Variants in EYS observed in about 807,000 individuals in gnomAD.
EYS encodes the protein EGF-like photoreceptor maintenance factor, also known as protein eyes shut homolog.
A neutral mutation model predicts 282.1 loss-of-function variants in EYS; 250 were observed. That is an observed-to-expected ratio of 0.89 (90% CI 0.80 to 0.98). The LOEUF is 0.98. Ranked by LOEUF, EYS falls within the 50% of genes least tolerant of loss-of-function variation. EYS has a pLI of 0.00. For synonymous variants in EYS, 1,355 were observed against 1,282.9 expected (o/e 1.06, Z -1.20); for missense variants, 4,016 against 3,709.0 (o/e 1.08, Z -2.15).
At chr6:64,562,268 T>C (rs1029444064) in intron 26 of EYS, among the ~76,000 whole-genome samples, 5 of 151,902 alleles carry the variant, frequency 3.3e-5, no homozygotes, top group Non-Finnish European at 7.4e-5. Context: ...AAATATATTA[T>C]TAGTCAAATC....
chr6:64,570,260 C>G (rs1208730635), intron 26 of EYS, among the ~76,000 whole-genome samples: 22 of 152,100 alleles, frequency 1.4e-4, no homozygotes, highest in Admixed American at 1.3e-3. Context: ...TTTGTCACCC[C>G]CAGGCCTGCC....
In EYS at chr6:64,441,029, C is replaced by T. The variant is rs147156843; in HGVS notation, c.5645-1677G>A. Among the ~76,000 whole-genome samples the T allele has an allele frequency of 2.3e-3, 349 of 152,160 alleles. 1 individual carries two copies. Among genetic ancestry groups the T allele is most frequent in the African/African-American group, 7.8e-3 (324 of 41,512 alleles). On this transcript the variant is annotated intron_variant, in intron 26 of 42. Transcript: ENST00000503581. The stretch of plus-strand genomic sequence containing the variant: ...AGAACAAATATCAAATTTACGATGA[C>T]GCTTGGGTGAAAGAATGGTAAAATC...
intron 2 of EYS, among the ~76,000 whole-genome samples, chr6:65,606,652 C>T (rs1302361682): frequency 6.6e-6 from 1 of 151,752 alleles, no homozygotes; most frequent in African/African-American, 2.4e-5. Context: ...ACAAATACAA[C>T]TGGCTTTACA....
At chr6:64,766,278 C>T (rs1235370918) in intron 22 of EYS, among the ~76,000 whole-genome samples, 2 of 151,690 alleles carry the variant, frequency 1.3e-5, no homozygotes, top group South Asian at 2.1e-4. Flanking sequence ...CCTCTCCTTT[C>T]CTTTTTTCTT....
intron 1 of EYS, among the ~76,000 whole-genome samples, chr6:65,688,640 T>C (rs2149842914): frequency 6.6e-6 from 1 of 152,174 alleles, no homozygotes; most frequent in South Asian, 2.1e-4. Context: ...AAAGGGATAA[T>C]ATCCAGAATC....
chr6:63,954,431 A>T (rs1765725722), intron 35 of EYS, among the ~76,000 whole-genome samples: 1 of 152,158 alleles, frequency 6.6e-6, no homozygotes, highest in Admixed American at 6.5e-5. Flanking sequence ...GACTCTTAAC[A>T]TGCCTTCCAT....
At chr6:63,918,164 ATTACCGCATAACAT>A (rs1470677160) in intron 35 of EYS, among the ~76,000 whole-genome samples, 1 of 152,216 alleles carries the variant, frequency 6.6e-6, no homozygotes, top group African/African-American at 2.4e-5. Context: ...CCTGATGGGA[ATTACCGCATAACAT>A]TTATAGTAGG....
intron 12 of EYS, among the ~76,000 whole-genome samples, chr6:65,256,511 T>C (rs1767470922): frequency 8.2e-6 from 1 of 121,894 alleles, no homozygotes. Context: ...TGAGTGAGAA[T>C]ATGCGGTGTT....
intron 2 of EYS, among the ~76,000 whole-genome samples, chr6:65,498,676 A>C (rs984397089): frequency 5.9e-5 from 9 of 152,144 alleles, no homozygotes; most frequent in African/African-American, 2.2e-4. Flanking sequence ...AAACACTAAC[A>C]CAAAAACATC....
intron 36 of EYS, among the ~76,000 whole-genome samples, chr6:63,840,355 C>A (rs1002850134): frequency 6.6e-6 from 1 of 151,840 alleles, no homozygotes; most frequent in African/African-American, 2.4e-5. Context: ...TGAGCCACCA[C>A]GCCCAGCCCC....
chr6:64,136,747 G>T (rs1222705234), intron 31 of EYS, among the ~76,000 whole-genome samples: 3 of 152,040 alleles, frequency 2.0e-5, no homozygotes, highest in African/African-American at 7.2e-5. Context: ...AAAGCATGTT[G>T]TAAACAGATG....
chr6:64,286,182 A>C (rs1768493803), intron 30 of EYS, among the ~76,000 whole-genome samples: 1 of 152,182 alleles, frequency 6.6e-6, no homozygotes, highest in Non-Finnish European at 1.5e-5. Context: ...TACCTCTACA[A>C]CTACCCTAAA....
At chr6:64,468,525 CA>C (rs1775996432) in intron 26 of EYS, among the ~76,000 whole-genome samples, 1 of 152,094 alleles carries the variant, frequency 6.6e-6, no homozygotes, top group Admixed American at 6.6e-5. Context: ...ATTTTATGTT[CA>C]GGGGTACGTG....
intron 41 of EYS, among the ~76,000 whole-genome samples, chr6:63,749,272 T>C (rs1201198187): frequency 6.6e-6 from 1 of 152,196 alleles, no homozygotes. Context: ...GGATATTCAA[T>C]TTCCATGTAA....
chr6:64,066,193 G>A lies in EYS; in HGVS notation c.6725+145C>T, dbSNP rs926311295. On this transcript the variant is annotated intron_variant, in intron 33 of 42. Coordinates refer to ENST00000503581, the MANE Select transcript of EYS (RefSeq NM_001142800.2). ...TTGGGGAGGTTGAGGCAGGAGAATC[G>A]CTTGAACCCGGGAGGCGGAGGTTGT... is the stretch of plus-strand genomic sequence containing the variant. 6 of 620,410 alleles carry A rather than the reference G, an allele frequency of 9.7e-6. No individual in the cohort carries two copies. The highest frequency in any genetic ancestry group is 3.9e-5 in the African/African-American group (2 of 51,948). The allele number at this position is 620,410 out of a possible 1,614,324, so 38.4% of individuals were successfully genotyped here.
At chr6:64,951,761 G>T (rs1267485072) in intron 14 of EYS, among the ~76,000 whole-genome samples, 1 of 151,502 alleles carries the variant, frequency 6.6e-6, no homozygotes, top group Non-Finnish European at 1.5e-5. Context: ...AAACTTGCTA[G>T]TAAAAGATAT....
chr6:64,775,627 G>A (rs1214784959), intron 22 of EYS, among the ~76,000 whole-genome samples: 1 of 151,836 alleles, frequency 6.6e-6, no homozygotes, highest in Non-Finnish European at 1.5e-5. Flanking sequence ...TTTTTCTCTA[G>A]GCCACAAAAT....
chr6:65,630,440 C>A (rs1174735425), intron 2 of EYS, among the ~76,000 whole-genome samples: 1 of 152,178 alleles, frequency 6.6e-6, no homozygotes, highest in Non-Finnish European at 1.5e-5. Context: ...CTTAATAGAG[C>A]ATTTTTCTGC....
intron 14 of EYS, among the ~76,000 whole-genome samples, chr6:64,968,916 C>T (rs988249528): frequency 6.6e-6 from 1 of 152,174 alleles, no homozygotes; most frequent in Non-Finnish European, 1.5e-5. Flanking sequence ...GGTACAAAGA[C>T]CAAGCTCTTT....
Sources: allele counts gnomAD v4.1 joint callset (sites outside exome capture counted in the v4.1 genomes callset), GRCh38; gene constraint gnomAD v4.1.1; transcripts MANE v1.5; gene names NCBI Gene and HGNC (gene_info 2026-07-23, HGNC 2026-07-21).